Variants in PCDHA7 observed in about 807,000 individuals in gnomAD.
The protein encoded by PCDHA7 is protocadherin alpha-7.
A neutral mutation model predicts 57.2 loss-of-function variants in PCDHA7; 37 were observed. The observed-to-expected ratio is 0.65, with a 90% CI of 0.50 to 0.85. The LOEUF (loss-of-function observed/expected upper bound fraction) is 0.85. PCDHA7 is among the 40% of genes least tolerant of loss of function. The probability of loss-of-function intolerance (pLI) is 0.00; values close to 1 mark genes in which losing one functional copy is unlikely to be tolerated. For synonymous variants in PCDHA7, 553 were observed against 558.8 expected (o/e 0.99, Z 0.15); for missense variants, 1,188 against 1,241.8 (o/e 0.96, Z 0.65).
chr5:140,991,534 T>C (rs1393603513), intron 3 of PCDHA7, among the ~76,000 whole-genome samples: 1 of 152,236 alleles, frequency 6.6e-6, no homozygotes, highest in African/African-American at 2.4e-5. Context: ...CTTGCCACTA[T>C]ATAACAAGGA....
chr5:140,980,313 C>G (rs904282752), intron 2 of PCDHA7, among the ~76,000 whole-genome samples: 7 of 152,166 alleles, frequency 4.6e-5, no homozygotes, highest in Admixed American at 3.9e-4. Context: ...GCCTTAAAAA[C>G]TACATTTGAA....
intron 1 of PCDHA7, chr5:140,843,675 T>A: frequency 6.3e-7 from 1 of 1,591,382 alleles, no homozygotes; most frequent in South Asian, 1.1e-5. Flanking sequence ...TCAGTTGATG[T>A]AGGCGAAGAG....
At chr5:140,932,309 ATATAT>A (rs1441363335) in intron 1 of PCDHA7, among the ~76,000 whole-genome samples, 6 of 151,956 alleles carry the variant, frequency 3.9e-5, no homozygotes, top group Non-Finnish European at 8.8e-5. Context: ...AAAGGTATAA[ATATAT>A]TAATGTAGCA....
chr5:140,853,929 G>GATTGC, intron 1 of PCDHA7: 1 of 896,830 alleles, frequency 1.1e-6, no homozygotes, highest in Non-Finnish European at 1.4e-6. Context: ...AACATTTTGG[G>GATTGC]AGGCCAAGGT....
At chr5:140,935,908 T>TG (rs2090628873) in intron 1 of PCDHA7, among the ~76,000 whole-genome samples, 1 of 151,636 alleles carries the variant, frequency 6.6e-6, no homozygotes, top group Non-Finnish European at 1.5e-5. Context: ...TTTTTTTTTT[T>TG]TTGAGACAGA....
intron 1 of PCDHA7, chr5:140,848,930 C>G: frequency 1.2e-6 from 2 of 1,607,642 alleles, no homozygotes; most frequent in Non-Finnish European, 1.7e-6. Flanking sequence ...TCGCGGAATC[C>G]AGGCCGCTTG....
At chr5:140,988,043 A>G (rs2153870251) in intron 3 of PCDHA7, among the ~76,000 whole-genome samples, 1 of 152,336 alleles carries the variant, frequency 6.6e-6, no homozygotes, top group Non-Finnish European at 1.5e-5. Context: ...GAATCTGTTT[A>G]GGAGCACTGT....
chr5:140,841,877 A>T, intron 1 of PCDHA7: 1 of 1,613,820 alleles, frequency 6.2e-7, no homozygotes, highest in Non-Finnish European at 8.5e-7. Flanking sequence ...GAATTCAAAG[A>T]ACGATGAGAA....
At chr5:140,838,612 A>G (rs1326287987) in intron 1 of PCDHA7, among the ~76,000 whole-genome samples, 1 of 152,002 alleles carries the variant, frequency 6.6e-6, no homozygotes, top group Non-Finnish European at 1.5e-5. Flanking sequence ...GACTTTTAAA[A>G]ATTTTTTACA....
chr5:140,930,822 G>A (rs1338942917), intron 1 of PCDHA7, among the ~76,000 whole-genome samples: 2 of 152,140 alleles, frequency 1.3e-5, no homozygotes, highest in Non-Finnish European at 2.9e-5. Context: ...CTTAGTAAAT[G>A]CTGACTGAAT....
chr5:140,837,766 TCCTGGG>T (rs1439414038), intron 1 of PCDHA7, among the ~76,000 whole-genome samples: 1 of 151,794 alleles, frequency 6.6e-6, no homozygotes, highest in Admixed American at 6.6e-5. Context: ...AACCTGAAAG[TCCTGGG>T]CTCACAGGAT....
chr5:140,952,496 G>A (rs2094755026), intron 1 of PCDHA7, among the ~76,000 whole-genome samples: 1 of 152,112 alleles, frequency 6.6e-6, no homozygotes, highest in Non-Finnish European at 1.5e-5. Flanking sequence ...CCAGTCCTCA[G>A]TAAGTTCCTC....
chr5:140,939,090 A>C (rs1563171940), intron 1 of PCDHA7, among the ~76,000 whole-genome samples: 1 of 152,192 alleles, frequency 6.6e-6, no homozygotes, highest in Non-Finnish European at 1.5e-5. Flanking sequence ...GGGTGGCTTA[A>C]AAACAATAGA....
chr5:140,835,818 G>A lies in PCDHA7; in HGVS notation c.1435G>A (p.Ala479Thr). The change falls in exon 1 of 4, where the codon GCG (alanine) becomes ACG (threonine). Residue 479 changes from alanine to threonine, a missense_variant. Around this residue, in one of 3 missense-constraint regions of PCDHA7, gnomAD observed 892 missense variants for 788.5 expected, o/e 1.13. Coordinates refer to ENST00000525929, the MANE Select transcript of PCDHA7 (RefSeq NM_018910.3). ...GGGCTGCCACATCTTCACTGTGTCGGCGGGGGACGCGGACGCGCAGAAGAA... is the reference window on the plus strand; with the variant it reads ...GGGCTGCCACATCTTCACTGTGTCGACGGGGGACGCGGACGCGCAGAAGAA... ...PPGCHIFTVS[A>T]GDADAQKNAL... 6.2e-7 allele frequency: 1 copy of A among 1,612,692 alleles called. No homozygotes were observed. The highest frequency in any genetic ancestry group is 8.5e-7 in the Non-Finnish European group (1 of 1,179,688).
At chr5:140,908,493 G>A (rs545927854) in intron 1 of PCDHA7, among the ~76,000 whole-genome samples, 1 of 152,152 alleles carries the variant, frequency 6.6e-6, no homozygotes, top group African/African-American at 2.4e-5. Flanking sequence ...AGTTCAGGTT[G>A]CTTGGTGACT....
intron 1 of PCDHA7, chr5:140,848,444 C>A: frequency 6.7e-7 from 1 of 1,498,894 alleles, no homozygotes; most frequent in Non-Finnish European, 9.1e-7. Flanking sequence ...CAGATGATTT[C>A]TTCTAATTTG....
chr5:141,007,478 G>A (rs1041976706), intron 3 of PCDHA7, among the ~76,000 whole-genome samples: 5 of 151,620 alleles, frequency 3.3e-5, no homozygotes, highest in Admixed American at 6.6e-5. Context: ...TGAGGCACGA[G>A]AATTACTTGG....
At chr5:140,871,443 T>C (rs1192118860) in intron 1 of PCDHA7, 13 of 1,610,650 alleles carry the variant, frequency 8.1e-6, no homozygotes, top group African/African-American at 1.3e-5. Flanking sequence ...TAGGTCTGAA[T>C]AAAGAGGAGG....
rs140138948 is a variant in PCDHA7 at position 140,849,650 on chromosome 5, T to G, written c.2355+12912T>G. The G allele has an allele frequency of 0.022, 35,883 of 1,598,700 alleles. 3,605 individuals carry two copies. The highest frequency in any genetic ancestry group is 0.044 in the Middle Eastern group (261 of 5,946). On this transcript the variant is annotated intron_variant, in intron 1 of 3. Coordinates refer to ENST00000525929, the MANE Select transcript of PCDHA7 (RefSeq NM_018910.3). The stretch of plus-strand genomic sequence containing the variant: ...TAGACGCAGATGCCAACGGGCAGGT[T>G]ACCTGCTCCCTGACGCCCCACGTCC...
Sources: gnomAD v4.1 joint callset for allele counts (sites outside exome capture counted in the v4.1 genomes callset) on GRCh38, gnomAD v4.1.1 for gene constraint, gnomAD v4.1.1 regional missense constraint, MANE v1.5 for transcripts, NCBI Gene and HGNC (gene_info 2026-07-23, HGNC 2026-07-21) for gene names.